The following LHFPL3 variants were observed in gnomAD, a reference collection of about 807,000 sequenced individuals.
LHFPL3 encodes LHFPL tetraspan subfamily member 3 protein.
Under a neutral mutation model 19.3 loss-of-function variants are expected in LHFPL3, and 5 were observed. The ratio of observed to expected loss-of-function variants is 0.26; its 90% CI spans 0.14 to 0.54. The LOEUF (loss-of-function observed/expected upper bound fraction) is 0.54, where lower values mean the gene tolerates loss of function less well. Ranked by LOEUF, LHFPL3 falls within the 20% of genes least tolerant of loss-of-function variation. LHFPL3 has a pLI of 0.94. For synonymous variants in LHFPL3, 133 were observed against 126.2 expected (o/e 1.05, Z -0.36); for missense variants, 249 against 307.4 (o/e 0.81, Z 1.42).
At chr7:104,485,258 G>A (rs1386377819) in intron 1 of LHFPL3, among the ~76,000 whole-genome samples, 1 of 144,956 alleles carries the variant, frequency 6.9e-6, no homozygotes, top group African/African-American at 2.6e-5. Context: ...GTTTTTGCAT[G>A]ATAATCCCTA....
At chr7:104,641,433 T>C (rs952753378) in intron 1 of LHFPL3, among the ~76,000 whole-genome samples, 2 of 152,228 alleles carry the variant, frequency 1.3e-5, no homozygotes, top group African/African-American at 4.8e-5. Flanking sequence ...AATTTTGTTA[T>C]GAGAAAGGAT....
intron 2 of LHFPL3, among the ~76,000 whole-genome samples, chr7:104,847,671 C>G (rs1456998532): frequency 1.3e-5 from 2 of 152,174 alleles, no homozygotes; most frequent in East Asian, 3.9e-4. Flanking sequence ...CAACCATGCC[C>G]AGCTAATGTT....
At chr7:104,375,019 A>G (rs1415861286) in intron 1 of LHFPL3, among the ~76,000 whole-genome samples, 2 of 152,188 alleles carry the variant, frequency 1.3e-5, no homozygotes, top group South Asian at 4.1e-4. Flanking sequence ...TTTTCATTTC[A>G]ATTTGTAATG....
chr7:104,845,105 A>G (rs545456641), intron 2 of LHFPL3, among the ~76,000 whole-genome samples: 2 of 152,320 alleles, frequency 1.3e-5, no homozygotes, highest in South Asian at 2.1e-4. Context: ...AAGTGCTACT[A>G]TTGGCCCGTT....
intron 2 of LHFPL3, among the ~76,000 whole-genome samples, chr7:104,836,118 A>G (rs940714516): frequency 2.8e-4 from 42 of 152,204 alleles, no homozygotes; most frequent in African/African-American, 9.7e-4. Flanking sequence ...ACTGACCACA[A>G]TGATAACAAA....
chr7:104,480,804 A>G (rs969633542), intron 1 of LHFPL3, among the ~76,000 whole-genome samples: 1 of 152,222 alleles, frequency 6.6e-6, no homozygotes, highest in African/African-American at 2.4e-5. Flanking sequence ...TGAATAACCC[A>G]TGGGTAAAAT....
chr7:104,371,588 A>G (rs1277953752), intron 1 of LHFPL3, among the ~76,000 whole-genome samples: 1 of 152,180 alleles, frequency 6.6e-6, no homozygotes, highest in African/African-American at 2.4e-5. Flanking sequence ...CTTAACTTGC[A>G]AATTCTGGAG....
At chr7:104,617,290 T>G (rs4727605) in intron 1 of LHFPL3, among the ~76,000 whole-genome samples, 97,214 of 151,828 alleles carry the variant, frequency 0.64, 31,245 homozygotes, top group East Asian at 0.73. Flanking sequence ...TTTCAAACTT[T>G]CTAGCCACCA....
chr7:104,892,100 C>T (rs555610335), intron 2 of LHFPL3, among the ~76,000 whole-genome samples: 1 of 152,208 alleles, frequency 6.6e-6, no homozygotes, highest in Admixed American at 6.5e-5. Context: ...ACTTATTCAA[C>T]AAGAATGCAT....
intron 1 of LHFPL3, among the ~76,000 whole-genome samples, chr7:104,492,899 C>T (rs1392034153): frequency 6.6e-6 from 1 of 152,140 alleles, no homozygotes; most frequent in Non-Finnish European, 1.5e-5. Context: ...ATTGCCACTC[C>T]CTACTTTCAT....
At chr7:104,510,831 T>G (rs530477364) in intron 1 of LHFPL3, among the ~76,000 whole-genome samples, 1 of 152,134 alleles carries the variant, frequency 6.6e-6, no homozygotes, top group Admixed American at 6.5e-5. Flanking sequence ...TTCTCACTTA[T>G]AAGTGGGAGC....
At chr7:104,866,792 A>G (rs1009276236) in intron 2 of LHFPL3, among the ~76,000 whole-genome samples, 7 of 152,184 alleles carry the variant, frequency 4.6e-5, no homozygotes, top group Non-Finnish European at 1.0e-4. Context: ...AGCACCACAC[A>G]GCACTTATTC....
intron 1 of LHFPL3, among the ~76,000 whole-genome samples, chr7:104,457,459 G>T (rs1347358196): frequency 6.6e-6 from 1 of 151,980 alleles, no homozygotes; most frequent in African/African-American, 2.4e-5. Context: ...CATTTTTATG[G>T]CTGCATAGTA....
intron 1 of LHFPL3, among the ~76,000 whole-genome samples, chr7:104,606,233 T>G (rs1300766199): frequency 6.6e-6 from 1 of 152,220 alleles, no homozygotes; most frequent in Non-Finnish European, 1.5e-5. Flanking sequence ...CCCATCATCA[T>G]GCACCTTTAT....
chr7:104,384,362 T>TA (rs1258663138), intron 1 of LHFPL3, among the ~76,000 whole-genome samples: 1 of 151,888 alleles, frequency 6.6e-6, no homozygotes, highest in Non-Finnish European at 1.5e-5. Flanking sequence ...GATGCAGATA[T>TA]AAAAAAAGAA....
chr7:104,397,452 C>A (rs1016244400), intron 1 of LHFPL3, among the ~76,000 whole-genome samples: 12 of 152,162 alleles, frequency 7.9e-5, no homozygotes, highest in Middle Eastern at 6.8e-3. Context: ...AACCTAAGAC[C>A]CTTCAGATAT....
At chr7:104,643,349 T>C (rs1791870682) in intron 1 of LHFPL3, among the ~76,000 whole-genome samples, 2 of 152,224 alleles carry the variant, frequency 1.3e-5, no homozygotes, top group South Asian at 4.1e-4. Context: ...ATAGATGTAA[T>C]AATAGTACCT....
intron 1 of LHFPL3, among the ~76,000 whole-genome samples, chr7:104,726,667 C>A (rs1029567041): frequency 1.3e-5 from 2 of 152,088 alleles, no homozygotes; most frequent in Non-Finnish European, 2.9e-5. Context: ...TGATTTCAGT[C>A]CTTTTTATGG....
intron 2 of LHFPL3, 23 bp downstream of exon 2, chr7:104,736,934 T>G: frequency 6.5e-7 from 1 of 1,544,536 alleles, no homozygotes; most frequent in Non-Finnish European, 8.8e-7. Flanking sequence ...TAAGGAACTC[T>G]TACCTGGATG....
Sources: gnomAD v4.1 joint callset for allele counts (sites outside exome capture counted in the v4.1 genomes callset) on GRCh38, gnomAD v4.1.1 for gene constraint, MANE v1.5 for transcripts, NCBI Gene and HGNC (gene_info 2026-07-23, HGNC 2026-07-21) for gene names.